The following PDGFC variants were observed in gnomAD, a reference collection of about 807,000 sequenced individuals.
The protein encoded by PDGFC is platelet-derived growth factor C.
A neutral mutation model predicts 35.5 loss-of-function variants in PDGFC; 12 were observed. That is an observed-to-expected ratio of 0.34 (90% CI 0.22 to 0.55). The LOEUF (loss-of-function observed/expected upper bound fraction) is 0.55. Among genes scored for constraint, PDGFC ranks in the 20% least tolerant of loss-of-function variants. The pLI is 0.91. For missense variants in PDGFC, 322 were observed against 412.4 expected (o/e 0.78, Z 1.90); for synonymous variants, 159 against 148.8 (o/e 1.07, Z -0.50).
At chr4:156,890,661 G>A (rs1223118831) in intron 1 of PDGFC, among the ~76,000 whole-genome samples, 1 of 152,114 alleles carries the variant, frequency 6.6e-6, no homozygotes, top group Non-Finnish European at 1.5e-5. Flanking sequence ...TCTCTTTAAA[G>A]CAGGAACAAG....
At chr4:156,840,831 C>A (rs372867135) in intron 2 of PDGFC, among the ~76,000 whole-genome samples, 12 of 152,282 alleles carry the variant, frequency 7.9e-5, no homozygotes, top group African/African-American at 2.6e-4. Flanking sequence ...CATTTTGGAA[C>A]TTTACGATTT....
At chr4:156,935,474 G>A (rs182032040) in intron 1 of PDGFC, among the ~76,000 whole-genome samples, 64 of 152,210 alleles carry the variant, frequency 4.2e-4, no homozygotes, top group Non-Finnish European at 6.8e-4. Flanking sequence ...GTTTCCACCA[G>A]CATCACCACA....
At chr4:156,843,548 T>C (rs1729254983) in intron 2 of PDGFC, among the ~76,000 whole-genome samples, 1 of 152,190 alleles carries the variant, frequency 6.6e-6, no homozygotes, top group Non-Finnish European at 1.5e-5. Context: ...CCATAGCATC[T>C]TCCACAACAC....
intron 1 of PDGFC, 116 bp downstream of exon 1, chr4:156,970,670 T>C (rs895733566): frequency 1.4e-5 from 10 of 720,226 alleles, no homozygotes; most frequent in Admixed American, 7.6e-5. Flanking sequence ...CATTTGCATG[T>C]AATGAGAGAC....
chr4:156,794,976 AC>A (rs1205900085), intron 3 of PDGFC, among the ~76,000 whole-genome samples: 2 of 152,176 alleles, frequency 1.3e-5, no homozygotes, highest in Non-Finnish European at 2.9e-5. Context: ...GCCATCGCTG[AC>A]CTGGTTTAAC....
At chr4:156,901,286 G>A (rs1425834404) in intron 1 of PDGFC, among the ~76,000 whole-genome samples, 1 of 152,112 alleles carries the variant, frequency 6.6e-6, no homozygotes, top group Non-Finnish European at 1.5e-5. Context: ...GAGATACTGA[G>A]GAGTCATGAG....
intron 2 of PDGFC, among the ~76,000 whole-genome samples, chr4:156,832,959 A>T (rs1728981234): frequency 6.6e-6 from 1 of 152,056 alleles, no homozygotes; most frequent in South Asian, 2.1e-4. Flanking sequence ...GTATTTTGAG[A>T]GTTTGGTTCA....
chr4:156,845,654 A>C (rs1729308733), intron 2 of PDGFC, among the ~76,000 whole-genome samples: 1 of 151,922 alleles, frequency 6.6e-6, no homozygotes, highest in Non-Finnish European at 1.5e-5. Flanking sequence ...TTACTGTGGA[A>C]GAGGCCAATT....
rs367939333 is a variant in PDGFC at position 156,959,115 on chromosome 4, G to A, written c.118+11671C>T. Among the ~76,000 whole-genome samples, 20 of 152,104 alleles carry A rather than the reference G, an allele frequency of 1.3e-4. No homozygotes were observed. The East Asian group carries it at 3.3e-3, about 25-fold the overall frequency. ...AAGAACCTAATGATACCAGAAATCA[G>A]ATCAATTCAATCTTCATACCTGAGT... On this transcript the variant is annotated intron_variant, in intron 1 of 5. Transcript: ENST00000502773.
intron 1 of PDGFC, among the ~76,000 whole-genome samples, chr4:156,928,642 T>C (rs955641118): frequency 6.6e-6 from 1 of 152,236 alleles, no homozygotes; most frequent in African/African-American, 2.4e-5. Context: ...CCACGCTCTA[T>C]ACTTGTCTCC....
At chr4:156,773,832 T>C (rs1002597410) in intron 3 of PDGFC, 20 of 152,202 alleles carry the variant, frequency 1.3e-4, no homozygotes, top group African/African-American at 4.8e-4. Flanking sequence ...GCACTGAATA[T>C]TCTTTCACTT....
At chr4:156,823,183 T>A (rs1732318136) in intron 2 of PDGFC, among the ~76,000 whole-genome samples, 1 of 152,054 alleles carries the variant, frequency 6.6e-6, no homozygotes, top group Non-Finnish European at 1.5e-5. Context: ...GCTGAGCACA[T>A]CACCTGTGGT....
chr4:156,803,409 T>C (rs1463825769), intron 3 of PDGFC, among the ~76,000 whole-genome samples: 1 of 152,086 alleles, frequency 6.6e-6, no homozygotes, highest in Non-Finnish European at 1.5e-5. Context: ...TTTGATATAA[T>C]CAAGATATAA....
At chr4:156,855,504 GCAA>G (rs1729552842) in intron 1 of PDGFC, among the ~76,000 whole-genome samples, 2 of 152,196 alleles carry the variant, frequency 1.3e-5, no homozygotes. Flanking sequence ...CACGACTGTA[GCAA>G]CATGTCACCA....
In PDGFC at chr4:156,927,195, G is replaced by A. The variant is rs145892650; in HGVS notation, c.118+43591C>T. Among the ~76,000 whole-genome samples the A allele has an allele frequency of 5.4e-3, 821 of 152,220 alleles. 7 individuals are homozygous for A. Among genetic ancestry groups the A allele is most frequent in the African/African-American group, 0.019 (774 of 41,530 alleles). ...CCTAGGCTGCACACAGCAGAGAGACGCTGGGCCTGGCCCAGGAAACCATTT... is the reference window on the plus strand; with the variant it reads ...CCTAGGCTGCACACAGCAGAGAGACACTGGGCCTGGCCCAGGAAACCATTT... On this transcript the variant is annotated intron_variant, in intron 1 of 5. Coordinates refer to ENST00000502773, the MANE Select transcript of PDGFC (RefSeq NM_016205.3).
At chr4:156,792,618 G>A (rs1056986637) in intron 3 of PDGFC, among the ~76,000 whole-genome samples, 8 of 152,142 alleles carry the variant, frequency 5.3e-5, no homozygotes, top group African/African-American at 1.9e-4. Context: ...TCTTCAGGCA[G>A]AAATGCCATT....
chr4:156,832,834 CG>C (rs1728978147), intron 2 of PDGFC, among the ~76,000 whole-genome samples: 1 of 152,140 alleles, frequency 6.6e-6, no homozygotes, highest in South Asian at 2.1e-4. Context: ...ATAGTATATG[CG>C]GATTTGGGTG....
At chr4:156,830,263 A>T (rs1728895221) in intron 2 of PDGFC, among the ~76,000 whole-genome samples, 1 of 151,610 alleles carries the variant, frequency 6.6e-6, no homozygotes, top group Admixed American at 6.6e-5. Flanking sequence ...AAAAAAAAAA[A>T]CTTCATGTCC....
At chr4:156,810,148 G>T (rs1298398977) in intron 3 of PDGFC, among the ~76,000 whole-genome samples, 2 of 150,088 alleles carry the variant, frequency 1.3e-5, no homozygotes, top group African/African-American at 2.4e-5. Flanking sequence ...GTACATCTTT[G>T]TCTATCATTA....
Sources: gnomAD v4.1 joint callset for allele counts (sites outside exome capture counted in the v4.1 genomes callset) on GRCh38, gnomAD v4.1.1 for gene constraint, MANE v1.5 for transcripts, NCBI Gene and HGNC (gene_info 2026-07-23, HGNC 2026-07-21) for gene names.